CSMD1: variants seen among roughly 807,000 people sequenced by gnomAD.
CSMD1 encodes the protein CUB and sushi domain-containing protein 1.
CSMD1 carries 213 observed loss-of-function variants against 417.5 expected under a neutral mutation model. That is an observed-to-expected ratio of 0.51 (90% CI 0.46 to 0.57). The LOEUF is 0.57. CSMD1 is among the 20% of genes least tolerant of loss of function. The pLI, the probability that CSMD1 is intolerant of heterozygous loss-of-function variation, is 0.00. For missense variants in CSMD1, 6,923 were observed against 4,529.7 expected, an observed-to-expected ratio of 1.53 and a Z score of -15.17; for synonymous variants, 2,862 against 1,736.8, an observed-to-expected ratio of 1.65 and a Z score of -16.11.
intron 1 of CSMD1, among the ~76,000 whole-genome samples, chr8:4,722,027 G>A (rs566195723): frequency 1.3e-5 from 2 of 152,126 alleles, no homozygotes; most frequent in African/African-American, 2.4e-5. Context: ...CATCGAATGA[G>A]GAGATGTCAG....
At chr8:3,472,947 T>A (rs1344183963) in intron 11 of CSMD1, among the ~76,000 whole-genome samples, 3 of 152,078 alleles carry the variant, frequency 2.0e-5, no homozygotes, top group South Asian at 4.2e-4. Context: ...TTCTCCCCAT[T>A]TCCAACCTCT....
At chr8:4,191,107 T>A (rs533332666) in intron 3 of CSMD1, among the ~76,000 whole-genome samples, 8 of 149,064 alleles carry the variant, frequency 5.4e-5, no homozygotes, top group African/African-American at 7.8e-5. Context: ...TTGAAAAAAA[T>A]TCAACAAGGC....
chr8:4,959,808 G>C (rs992594075), intron 1 of CSMD1, among the ~76,000 whole-genome samples: 3 of 152,154 alleles, frequency 2.0e-5, no homozygotes, highest in Non-Finnish European at 4.4e-5. Flanking sequence ...GATTTTCCCA[G>C]ATATCCACAT....
chr8:3,437,716 A>C (rs11777894), intron 12 of CSMD1, among the ~76,000 whole-genome samples: 96,037 of 151,882 alleles, frequency 0.63, 30,524 homozygotes, highest in East Asian at 0.76. Flanking sequence ...CCCTGTTCCC[A>C]CCAAAGCCAC....
chr8:4,509,154 G>T (rs1212808416), intron 2 of CSMD1, among the ~76,000 whole-genome samples: 1 of 152,254 alleles, frequency 6.6e-6, no homozygotes, highest in South Asian at 2.1e-4. Flanking sequence ...CTTTTAGGGA[G>T]AATTGAAGTA....
intron 23 of CSMD1, among the ~76,000 whole-genome samples, chr8:3,335,387 G>T (rs1563283714): frequency 6.6e-6 from 1 of 152,176 alleles, no homozygotes; most frequent in Non-Finnish European, 1.5e-5. Context: ...CATATAAGAA[G>T]AAAGGTTTGG....
chr8:3,987,561 G>C (rs1814426772), intron 5 of CSMD1, among the ~76,000 whole-genome samples: 2 of 152,136 alleles, frequency 1.3e-5, no homozygotes, highest in Admixed American at 6.6e-5. Context: ...AGCTACGAAG[G>C]GGAGGAACAC....
In CSMD1 at chr8:4,354,102, G is replaced by A. The variant is rs903515839; in HGVS notation, c.415+65851C>T. Reference sequence around the variant, plus strand: ...ATGGCAATATTGCTTCCATATTCTCGTTAACTTGCCCAAGAACGCGCCTGA... The same window carrying A: ...ATGGCAATATTGCTTCCATATTCTCATTAACTTGCCCAAGAACGCGCCTGA... On this transcript the variant is annotated intron_variant, in intron 3 of 69. Transcript: ENST00000635120. 4.6e-5 allele frequency among the ~76,000 whole-genome samples: 7 copies of A among 152,100 alleles called. No homozygotes were observed. The East Asian group carries it at 7.7e-4, about 17-fold the overall frequency.
chr8:3,283,434 C>T (rs1240457705), intron 26 of CSMD1, among the ~76,000 whole-genome samples: 6 of 151,992 alleles, frequency 3.9e-5, no homozygotes, highest in East Asian at 1.9e-4. Flanking sequence ...CCTTTAAAGT[C>T]GTACGTTTTT....
chr8:4,837,919 A>G (rs977448176), intron 1 of CSMD1, among the ~76,000 whole-genome samples: 1 of 152,046 alleles, frequency 6.6e-6, no homozygotes, highest in Non-Finnish European at 1.5e-5. Context: ...ATAAAAATAA[A>G]CTAAAAGACA....
intron 1 of CSMD1, among the ~76,000 whole-genome samples, chr8:4,651,227 C>A: frequency 6.6e-6 from 1 of 152,196 alleles, no homozygotes; most frequent in Middle Eastern, 3.4e-3. Flanking sequence ...TATTAAATAC[C>A]TGGCAAACAG....
rs534298917 is a variant in CSMD1 at position 3,510,577 on chromosome 8, G to T, written c.1345-16851C>A. 1.3e-3 allele frequency among the ~76,000 whole-genome samples: 191 copies of T among 151,794 alleles called. 2 individuals are homozygous for T. The highest frequency in any genetic ancestry group is 2.4e-3 in the Admixed American group (37 of 15,276). Reference sequence around the variant, plus strand: ...TTGTCACTTGCTTAACACATTACGTGGCACAAAATAATGCCTCAAAAAATG... The same window carrying T: ...TTGTCACTTGCTTAACACATTACGTTGCACAAAATAATGCCTCAAAAAATG... On this transcript the variant is annotated intron_variant, in intron 10 of 69. Transcript: ENST00000635120.
At chr8:3,732,419 G>C (rs565760312) in intron 6 of CSMD1, among the ~76,000 whole-genome samples, 3 of 152,198 alleles carry the variant, frequency 2.0e-5, no homozygotes, top group South Asian at 4.1e-4. Context: ...AATTAATAAT[G>C]AACCAAGTCA....
intron 1 of CSMD1, among the ~76,000 whole-genome samples, chr8:4,664,334 C>A (rs2617023): frequency 6.6e-6 from 1 of 151,868 alleles, no homozygotes. Context: ...CTGAGGCGGG[C>A]GGATCACTTG....
chr8:3,624,357 T>C (rs1056992448), intron 7 of CSMD1, among the ~76,000 whole-genome samples: 4 of 152,206 alleles, frequency 2.6e-5, no homozygotes, highest in African/African-American at 7.2e-5. Flanking sequence ...TTGGCTTGAA[T>C]GTTAAATCTC....
chr8:3,754,426 G>C (rs1797538879), intron 5 of CSMD1, among the ~76,000 whole-genome samples: 1 of 128,782 alleles, frequency 7.8e-6, no homozygotes, highest in East Asian at 2.1e-4. Flanking sequence ...TGAAGACTTA[G>C]TAATTCCTTA....
intron 37 of CSMD1, among the ~76,000 whole-genome samples, chr8:3,171,203 T>C (rs1342240714): frequency 6.6e-6 from 1 of 152,230 alleles, no homozygotes; most frequent in Admixed American, 6.5e-5. Context: ...AGATCCTTTA[T>C]AAAGTATCGC....
chr8:3,188,848 G>C, intron 35 of CSMD1, 39 bp downstream of exon 35: 3 of 1,465,166 alleles, frequency 2.0e-6, no homozygotes, highest in Non-Finnish European at 1.8e-6. Context: ...ATGGACCCCA[G>C]CTGAGCCCTG....
Position 4,977,790 on chromosome 8 carries a change from A to G in CSMD1, c.85+16542T>C, listed in dbSNP as rs533554640. On this transcript the variant is annotated intron_variant, in intron 1 of 69. Transcript: ENST00000635120. ...GATGAATGCATTGAAAGTGAAAGAC[A>G]TTTGGCATACTGCAGCGCTTTTACT... 2.3e-4 allele frequency among the ~76,000 whole-genome samples: 35 copies of G among 152,362 alleles called. No individual in the cohort carries two copies. The South Asian group carries it at 6.6e-3, about 29-fold the overall frequency.
Sources: gnomAD v4.1 joint callset for allele counts (sites outside exome capture counted in the v4.1 genomes callset) on GRCh38, gnomAD v4.1.1 for gene constraint, MANE v1.5 for transcripts, NCBI Gene and HGNC (gene_info 2026-07-23, HGNC 2026-07-21) for gene names.